The following FRMPD4 variants were observed in gnomAD, a reference collection of about 807,000 sequenced individuals.
The protein encoded by FRMPD4 is FERM and PDZ domain containing 4.
FRMPD4 carries 22 observed loss-of-function variants against 94.1 expected under a neutral mutation model. The ratio of observed to expected loss-of-function variants is 0.23; its 90% CI spans 0.17 to 0.33. The LOEUF (loss-of-function observed/expected upper bound fraction) is 0.33. Among genes scored for constraint, FRMPD4 ranks in the 10% least tolerant of loss-of-function variants. The pLI is 1.00. For missense variants in FRMPD4, 1,111 were observed against 1,339.9 expected (o/e 0.83, Z 2.67); for synonymous variants, 631 against 548.6 (o/e 1.15, Z -2.10).
chrX:12,222,056 G>A (rs1461594530), intron 1 of FRMPD4, among the ~76,000 whole-genome samples: 1 of 111,960 alleles, frequency 8.9e-6, no homozygotes, highest in East Asian at 2.8e-4. Flanking sequence ...ATTAAGGCCA[G>A]GTGTGGTGAC....
At chrX:12,390,781 T>C (rs755905167) in intron 1 of FRMPD4, among the ~76,000 whole-genome samples, 1 of 112,406 alleles carries the variant, frequency 8.9e-6, no homozygotes, top group South Asian at 3.7e-4. Context: ...AGTAGCTAAG[T>C]CTTCTTTATC....
chrX:12,453,233 A>G (rs1014426435), intron 1 of FRMPD4, among the ~76,000 whole-genome samples: 1 of 111,582 alleles, frequency 9.0e-6, no homozygotes, highest in East Asian at 2.8e-4. Context: ...CGCCTCAGCA[A>G]CTGTCCAAAG....
chrX:11,879,224 T>G (rs1475551268), intron 3 of FRMPD4, among the ~76,000 whole-genome samples: 1 of 112,043 alleles, frequency 8.9e-6, no homozygotes, highest in East Asian at 2.8e-4. Context: ...TTTCACTGGA[T>G]GACTTTTCTT....
chrX:12,055,434 C>T (rs1011717200), intron 3 of FRMPD4, among the ~76,000 whole-genome samples: 4 of 111,329 alleles, frequency 3.6e-5, no homozygotes, highest in Non-Finnish European at 7.5e-5. Flanking sequence ...CACCTCCCTG[C>T]ACCCCTCTCT....
intron 1 of FRMPD4, among the ~76,000 whole-genome samples, chrX:12,465,493 CA>C (rs995285784): frequency 3.6e-5 from 4 of 111,511 alleles, no homozygotes; most frequent in East Asian, 2.8e-4. Context: ...CAGTCCAAAA[CA>C]GAGCCTTTCC....
intron 2 of FRMPD4, among the ~76,000 whole-genome samples, chrX:12,530,085 T>C (rs1011416346): frequency 1.8e-5 from 2 of 111,957 alleles, no homozygotes; most frequent in African/African-American, 6.5e-5. Context: ...ACTCAGGCCA[T>C]AGAACTTCTT....
At chrX:12,541,228 A>C (rs1363651074) in intron 2 of FRMPD4, among the ~76,000 whole-genome samples, 1 of 111,947 alleles carries the variant, frequency 8.9e-6, no homozygotes, top group Non-Finnish European at 1.9e-5. Context: ...AAGGCAAGAA[A>C]TAACTAAGAT....
intron 2 of FRMPD4, among the ~76,000 whole-genome samples, chrX:12,563,266 A>ACACACG (rs1169632279): frequency 9.0e-6 from 1 of 110,802 alleles, no homozygotes; most frequent in Non-Finnish European, 1.9e-5. Context: ...ACACACACAC[A>ACACACG]CACACACATA....
At chrX:12,134,952 C>T (rs1035857181), upstream of FRMPD4, among the ~76,000 whole-genome samples, 17 of 112,112 alleles carry the variant, frequency 1.5e-4, no homozygotes, top group Non-Finnish European at 2.4e-4. Context: ...TGTATTATTT[C>T]CATTTTACAG....
intron 3 of FRMPD4, among the ~76,000 whole-genome samples, chrX:11,888,896 G>A (rs1383052123): frequency 8.9e-6 from 1 of 112,277 alleles, no homozygotes; most frequent in Non-Finnish European, 1.9e-5. Flanking sequence ...GTTGCTCAAC[G>A]CAGGGTTGCC....
intron 4 of FRMPD4, among the ~76,000 whole-genome samples, chrX:12,616,317 C>T (rs1292819270): frequency 1.8e-5 from 2 of 112,038 alleles, no homozygotes; most frequent in Non-Finnish European, 3.8e-5. Context: ...AGGAATGTGG[C>T]CTTTACCAAA....
intron 1 of FRMPD4, among the ~76,000 whole-genome samples, chrX:12,225,336 A>G (rs963354437): frequency 2.7e-5 from 3 of 112,096 alleles, no homozygotes; most frequent in African/African-American, 9.7e-5. Flanking sequence ...GGGAAGAGGA[A>G]ACAGAAGGAG....
At chrX:11,916,143 G>C (rs746453568) in intron 3 of FRMPD4, among the ~76,000 whole-genome samples, 1 of 110,634 alleles carries the variant, frequency 9.0e-6, no homozygotes, top group Non-Finnish European at 1.9e-5. Context: ...GGTATTCCAG[G>C]CATGTGGAAC....
intron 1 of FRMPD4, among the ~76,000 whole-genome samples, chrX:12,280,884 C>T (rs1272614064): frequency 8.9e-6 from 1 of 111,774 alleles, no homozygotes; most frequent in Non-Finnish European, 1.9e-5. Flanking sequence ...CCCACTGTAT[C>T]TCTGTTGGTG....
intron 3 of FRMPD4, among the ~76,000 whole-genome samples, chrX:11,977,720 G>T (rs1451000337): frequency 1.8e-5 from 2 of 110,318 alleles, no homozygotes; most frequent in Non-Finnish European, 1.9e-5. Context: ...TGGGGTTGGG[G>T]GTTTGGGGGA....
intron 3 of FRMPD4, among the ~76,000 whole-genome samples, chrX:12,014,583 AAGCAAGAAAGCAAAAGAT>A (rs1264314215): frequency 1.8e-5 from 2 of 111,632 alleles, no homozygotes; most frequent in Non-Finnish European, 3.8e-5. Context: ...GGAAGCAAGC[AAGCAAGAAAGCAAAAGAT>A]AGTATTTTTC....
At chrX:12,614,984 A>C in intron 4 of FRMPD4, 103 bp downstream of exon 4, 1 of 407,550 alleles carries the variant, frequency 2.5e-6, no homozygotes, top group East Asian at 4.0e-5. Context: ...ACAATTTAGG[A>C]TGGAAATGCA....
intron 1 of FRMPD4, among the ~76,000 whole-genome samples, chrX:12,195,342 A>G (rs966356999): frequency 9.0e-6 from 1 of 111,656 alleles, no homozygotes; most frequent in Non-Finnish European, 1.9e-5. Flanking sequence ...ACAATGGTGC[A>G]TACAGTTCTA....
In FRMPD4 at chrX:12,061,212, C is replaced by G. The variant is rs367662366; in HGVS notation, c.95+183194C>G. Among the ~76,000 whole-genome samples the G allele has an allele frequency of 1.9e-4, 21 of 111,403 alleles. 2 individuals are homozygous for G. The highest frequency in any genetic ancestry group is 1.6e-3 in the Admixed American group (17 of 10,494). On this transcript the variant is annotated intron_variant, in intron 3 of 18. Transcript: ENST00000640291. ...GGGAGGCAAGTTATGGGAAGGTGAC[C>G]AGGAAAAACACAAGAATAAGGTCTG... is the stretch of plus-strand genomic sequence containing the variant.
Sources: allele counts gnomAD v4.1 joint callset (sites outside exome capture counted in the v4.1 genomes callset), GRCh38; gene constraint gnomAD v4.1.1; transcripts MANE v1.5; gene names NCBI Gene and HGNC (gene_info 2026-07-23, HGNC 2026-07-21).